CD164L2: variants seen among roughly 807,000 people sequenced by gnomAD.
CD164L2 encodes CD164 sialomucin-like 2 protein.
CD164L2 carries 21 observed loss-of-function variants against 23.9 expected under a neutral mutation model. The ratio of observed to expected loss-of-function variants is 0.88; its 90% confidence interval spans 0.62 to 1.27. The LOEUF (loss-of-function observed/expected upper bound fraction) is 1.27. Among genes scored for constraint, CD164L2 ranks in the 50% most tolerant of loss-of-function variants. CD164L2 has a pLI of 0.00. For missense variants in CD164L2, 230 were observed against 224.8 expected, an observed-to-expected ratio of 1.02 and a Z score of -0.15; for synonymous variants, 92 against 90.2, an observed-to-expected ratio of 1.02 and a Z score of -0.11.
At chr1:27,380,899 G>T (rs1014021876) in intron 4 of CD164L2, among the ~76,000 whole-genome samples, 1 of 152,222 alleles carries the variant, frequency 6.6e-6, no homozygotes, top group African/African-American at 2.4e-5. Flanking sequence ...TAGGGCCATG[G>T]TTGCCAGGCT....
chr1:27,381,726 G>A, intron 4 of CD164L2, 54 bp downstream of exon 4: 1 of 1,597,704 alleles, frequency 6.3e-7, no homozygotes, highest in Non-Finnish European at 8.6e-7. Flanking sequence ...GCCCAGAGCT[G>A]TCTTCCCCTG....
rs757791431 is a variant in CD164L2, at chr1:27,382,344, G to A, written c.312C>T (p.Arg104=). The A allele has an allele frequency of 6.2e-7, 1 of 1,614,052 alleles. No homozygotes were observed. Among genetic ancestry groups the A allele is most frequent in the Non-Finnish European group, 8.5e-7 (1 of 1,179,970 alleles). The change falls in exon 3 of 6, where the codon CGC becomes CGT. Residue 104 remains arginine (R), a synonymous_variant. Coordinates refer to ENST00000374030, the MANE Select transcript of CD164L2 (RefSeq NM_001330448.1). ...CCCCCTTACCTGGACATGCCTCTGA[G>A]CGGTTGTAGATGGAGCAACCTTCCT... is the stretch of plus-strand genomic sequence containing the variant. ...VVKEGCSIYN[R]SEACPAAHHH... is the part of the protein sequence containing the mutation.
At chr1:27,381,297 AT>A (rs1156985963) in intron 4 of CD164L2, among the ~76,000 whole-genome samples, 1 of 152,196 alleles carries the variant, frequency 6.6e-6, no homozygotes, top group Admixed American at 6.5e-5. Context: ...CTCTTCAGCC[AT>A]CCCTGCCAAG....
In CD164L2 at chr1:27,383,316, G is replaced by A; in HGVS notation, c.-77C>T. ...CTGCCGGGCGCGTCCCTCCCAGACTGGGCTCGGCTGAGCGTGTGCGGAGCG... is the reference window on the plus strand; with the variant it reads ...CTGCCGGGCGCGTCCCTCCCAGACTAGGCTCGGCTGAGCGTGTGCGGAGCG... On this transcript the variant is annotated 5_prime_UTR_variant, in exon 1 of 6. Coordinates refer to ENST00000374030, the MANE Select transcript of CD164L2 (RefSeq NM_001330448.1). 1 of 955,054 alleles carries A rather than the reference G, an allele frequency of 1.0e-6. No homozygotes were observed. The highest frequency in any genetic ancestry group is 2.2e-5 in the Admixed American group (1 of 44,690). The allele number at this position is 955,054 out of a possible 1,614,324, so 59.2% of individuals were successfully genotyped here. A position where few individuals can be genotyped will look rare whatever the true frequency, so the allele number is the denominator to read the frequency against.
chr1:27,381,648 A>G, intron 4 of CD164L2, 132 bp downstream of exon 4: 1 of 940,390 alleles, frequency 1.1e-6, no homozygotes. Flanking sequence ...AACCCATTTC[A>G]CAGATGCGGA....
In CD164L2 at chr1:27,382,661, C is replaced by T; in HGVS notation, c.95G>A (p.Gly32Glu). The T allele has an allele frequency of 1.9e-6, 3 of 1,610,380 alleles. No homozygotes were observed. The highest frequency in any genetic ancestry group is 1.7e-6 in the Non-Finnish European group (2 of 1,178,928). ...GGCTCCCCTCCCAAAGCCTCGAGCTCCTTTACCTGGTAGTGCGGTGGAGTG... is the reference window on the plus strand; with the variant it reads ...GGCTCCCCTCCCAAAGCCTCGAGCTTCTTTACCTGGTAGTGCGGTGGAGTG... ...LCAQLAVAGK[G>E]ARGFGRGALI... Residue 32 changes from glycine (G) to glutamate (E), a missense_variant, in exon 2 of 6, where the codon GGA (glycine) becomes GAA (glutamate). By Grantham distance (98) the Gly-to-Glu change is moderately conservative. Transcript: ENST00000374030.
chr1:27,380,013 G>A, intron 5 of CD164L2, 38 bp downstream of exon 5: 1 of 1,607,156 alleles, frequency 6.2e-7, no homozygotes, highest in Non-Finnish European at 8.5e-7. Context: ...CAGGAGGTAA[G>A]CTGGGACTCA....
chr1:27,380,086 G>C lies in CD164L2; in HGVS notation c.483C>G (p.His161Gln), dbSNP rs1185314220. 3 of 1,614,024 alleles carry C rather than the reference G, an allele frequency of 1.9e-6. No individual in the cohort carries two copies. The highest frequency in any genetic ancestry group is 8.5e-7 in the Non-Finnish European group (1 of 1,180,022). The stretch of plus-strand genomic sequence containing the variant: ...AGGTGCTGTCCTTGGCCTTGAGGAA[G>C]TGCAGCACAAAGAAAGCCACCGCCT... ...SLQAVAFFVL[H>Q]FLKAKDSTYQ... Residue 161 changes from histidine (H) to glutamine (Q), a missense_variant, in exon 5 of 6, where the codon CAC becomes CAG. Coordinates refer to ENST00000374030, the MANE Select transcript of CD164L2 (RefSeq NM_001330448.1).
intron 3 of CD164L2, 86 bp downstream of exon 3, chr1:27,382,242 G>T (rs559017891): frequency 1.3e-4 from 215 of 1,613,524 alleles, no homozygotes; most frequent in Non-Finnish European, 1.6e-4. Flanking sequence ...AAAATCCACC[G>T]CCTGAGAGAG....
In CD164L2 at chr1:27,382,061, C is replaced by A. The variant is rs868461042; in HGVS notation, c.329-237G>T. The stretch of plus-strand genomic sequence containing the variant: ...CCTCCAGGAAGCACTCCCTCTCATT[C>A]CCTCTGAACTTCCAAAGTCCTTGCT... On this transcript the variant is annotated intron_variant, in intron 3 of 5. Coordinates refer to ENST00000374030, the MANE Select transcript of CD164L2 (RefSeq NM_001330448.1). The A allele has an allele frequency of 4.1e-5, 60 of 1,472,200 alleles. 2 individuals are homozygous for A. In the Middle Eastern group the frequency reaches 8.6e-3, roughly 211 times the overall value. 91.2% of individuals were successfully genotyped at this position (1,472,200 alleles called of 1,614,324 possible). A position where few individuals can be genotyped will look rare whatever the true frequency, so the allele number is the denominator to read the frequency against.
chr1:27,379,386 C>A lies in CD164L2; in HGVS notation c.*117G>T. 1 of 1,016,082 alleles carries A rather than the reference C, an allele frequency of 9.8e-7. No homozygotes were observed. The highest frequency in any genetic ancestry group is 1.5e-6 in the Non-Finnish European group (1 of 666,212). 62.9% of individuals were successfully genotyped at this position (1,016,082 alleles called of 1,614,324 possible). On this transcript the variant is annotated 3_prime_UTR_variant, in exon 6 of 6. Coordinates refer to ENST00000374030, the MANE Select transcript of CD164L2 (RefSeq NM_001330448.1). ...GAGCCTGCTTGGTGCCCGCAGGAGCCAAAAACTGGCGGCCAGAGTTTTTCC... is the reference window on the plus strand; with the variant it reads ...GAGCCTGCTTGGTGCCCGCAGGAGCAAAAAACTGGCGGCCAGAGTTTTTCC...
At chr1:27,382,297 C>T (rs1401158306) in intron 3 of CD164L2, 31 bp downstream of exon 3, 1 of 1,614,132 alleles carries the variant, frequency 6.2e-7, no homozygotes, top group African/African-American at 1.3e-5. Context: ...GAGACCCATG[C>T]AACTTGGCTT....
intron 5 of CD164L2, 190 bp downstream of exon 5, chr1:27,379,861 C>A: frequency 6.7e-7 from 1 of 1,493,210 alleles, no homozygotes; most frequent in African/African-American, 1.4e-5. Context: ...CTGGTCCCAG[C>A]CAACATCTGA....
rs1254954257 is a variant in CD164L2 at position 27,383,258 on chromosome 1, T to G, written c.-19A>C. ...CCTCCATGGGCTCGCGGGGTGGGGG[T>G]GGCCGGGGGCGGTGGCCGGGATCGG... On this transcript the variant is annotated 5_prime_UTR_variant, in exon 1 of 6. Coordinates refer to ENST00000374030, the MANE Select transcript of CD164L2 (RefSeq NM_001330448.1). The G allele has an allele frequency of 2.9e-5, 41 of 1,404,688 alleles. No homozygotes were observed. The highest frequency in any genetic ancestry group is 3.8e-5 in the Non-Finnish European group (39 of 1,026,106). 87.0% of individuals were successfully genotyped at this position (1,404,688 alleles called of 1,614,324 possible). A position where few individuals can be genotyped will look rare whatever the true frequency, so the allele number is the denominator to read the frequency against.
At chr1:27,379,751 G>C in intron 5 of CD164L2, 1 of 1,441,072 alleles carries the variant, frequency 6.9e-7, no homozygotes, top group Non-Finnish European at 9.1e-7. Context: ...CCACAGGCTT[G>C]CCTGGGCTGG....
chr1:27,382,045 A>G, intron 3 of CD164L2: 1 of 1,465,634 alleles, frequency 6.8e-7, no homozygotes, highest in Non-Finnish European at 9.1e-7. Flanking sequence ...TCCTCCAGGA[A>G]GCACTCCCTC....
intron 4 of CD164L2, 88 bp downstream of exon 4, chr1:27,381,692 G>GT: frequency 6.8e-7 from 1 of 1,464,958 alleles, no homozygotes; most frequent in Non-Finnish European, 9.4e-7. Context: ...CAGGGCCGAG[G>GT]TCACAGAGCA....
rs746794490 is a variant in CD164L2 at position 27,380,088 on chromosome 1, G to C, written c.481C>G (p.His161Asp). The C allele has an allele frequency of 2.5e-6, 4 of 1,614,016 alleles. No individual in the cohort carries two copies. Among genetic ancestry groups the C allele is most frequent in the Admixed American group, 1.7e-5 (1 of 60,000 alleles). The change falls in exon 5 of 6, where the codon CAC becomes GAC. Residue 161 changes from histidine to aspartate, a missense_variant. By Grantham distance (81) the His-to-Asp change is moderately conservative. Transcript: ENST00000374030. ...SLQAVAFFVL[H>D]FLKAKDSTYQ... ...GTGCTGTCCTTGGCCTTGAGGAAGT[G>C]CAGCACAAAGAAAGCCACCGCCTGT...
Position 27,379,411 on chromosome 1 carries a change from C to A in CD164L2, c.*92G>T. 2 of 905,180 alleles carry A rather than the reference C, an allele frequency of 2.2e-6. No homozygotes were observed. Among genetic ancestry groups the A allele is most frequent in the Non-Finnish European group, 3.5e-6 (2 of 574,420 alleles). The allele number at this position is 905,180 out of a possible 1,614,324, so 56.1% of individuals were successfully genotyped here. A position where few individuals can be genotyped will look rare whatever the true frequency, so the allele number is the denominator to read the frequency against. On this transcript the variant is annotated 3_prime_UTR_variant, in exon 6 of 6. Coordinates refer to ENST00000374030, the MANE Select transcript of CD164L2 (RefSeq NM_001330448.1). ...CAAAAACTGGCGGCCAGAGTTTTTC[C>A]CGCCCCCGCCCCCCGCTTACCCACA...
Sources: allele counts gnomAD v4.1 joint callset (sites outside exome capture counted in the v4.1 genomes callset), GRCh38; gene constraint gnomAD v4.1.1; transcripts MANE v1.5; gene names NCBI Gene and HGNC (gene_info 2026-07-23, HGNC 2026-07-21).